TBC1D19: variants seen among roughly 807,000 people sequenced by gnomAD.
TBC1D19 encodes the protein TBC1 domain family member 19, also known as TBC1 domain family, member 19.
A neutral mutation model predicts 89.0 loss-of-function variants in TBC1D19; 60 were observed. That is an observed-to-expected ratio of 0.67 (90% CI 0.55 to 0.84). TBC1D19 has a LOEUF of 0.84. Ranked by LOEUF, TBC1D19 falls within the 40% of genes least tolerant of loss-of-function variation. The pLI is 0.00. For missense variants in TBC1D19, 500 were observed against 610.8 expected (o/e 0.82, Z 1.91); for synonymous variants, 189 against 199.7 (o/e 0.95, Z 0.45).
chr4:26,734,964 A>ATATATGTATACACATATGTATATG (rs1717897899), intron 15 of TBC1D19, among the ~76,000 whole-genome samples: 1 of 150,518 alleles, frequency 6.6e-6, no homozygotes, highest in African/African-American at 2.4e-5. Flanking sequence ...ATGTATATGT[A>ATATATGTATACACATATGTATATG]TATATGTATA....
At chr4:26,666,436 T>A (rs1314601838) in intron 9 of TBC1D19, 31 bp downstream of exon 9, 1 of 1,577,036 alleles carries the variant, frequency 6.3e-7, no homozygotes, top group Admixed American at 1.7e-5. Context: ...ATATAATTAA[T>A]GATAAATGAG....
intron 13 of TBC1D19, among the ~76,000 whole-genome samples, chr4:26,710,506 C>T (rs1716101610): frequency 6.6e-6 from 1 of 152,130 alleles, no homozygotes; most frequent in South Asian, 2.1e-4. Flanking sequence ...GTGCATGTGT[C>T]TTTATAGCAG....
the TBC1D19 span, among the ~76,000 whole-genome samples, chr4:26,816,676 G>C: frequency 1.3e-5 from 2 of 152,136 alleles, no homozygotes; most frequent in Non-Finnish European, 2.9e-5. Context: ...ACAAACCCAG[G>C]ATGAGGGGCA....
the TBC1D19 span, among the ~76,000 whole-genome samples, chr4:26,804,760 T>C: frequency 6.6e-6 from 1 of 152,184 alleles, no homozygotes; most frequent in Admixed American, 6.5e-5. Flanking sequence ...CTGTGTGCGA[T>C]AAATGGAGCT....
the TBC1D19 span, among the ~76,000 whole-genome samples, chr4:26,845,140 C>A: frequency 6.6e-6 from 1 of 152,158 alleles, no homozygotes; most frequent in South Asian, 2.1e-4. Context: ...AGATAGAGAA[C>A]AAGAACAGCC....
intron 9 of TBC1D19, among the ~76,000 whole-genome samples, chr4:26,670,195 C>CAT (rs1712169738): frequency 6.6e-6 from 1 of 150,594 alleles, no homozygotes; most frequent in Non-Finnish European, 1.5e-5. Context: ...TTACTATATA[C>CAT]ATATATATGT....
At chr4:26,623,555 T>G (rs1314957808) in intron 4 of TBC1D19, among the ~76,000 whole-genome samples, 6 of 152,208 alleles carry the variant, frequency 3.9e-5, no homozygotes, top group Non-Finnish European at 8.8e-5. Flanking sequence ...ACATCTCTTT[T>G]TGCTCCAATC....
At chr4:26,604,590 G>A (rs1740855182) in intron 1 of TBC1D19, among the ~76,000 whole-genome samples, 1 of 151,510 alleles carries the variant, frequency 6.6e-6, no homozygotes, top group Non-Finnish European at 1.5e-5. Context: ...GCTACTATGG[G>A]CCGGGCATGG....
the TBC1D19 span, among the ~76,000 whole-genome samples, chr4:26,814,282 C>T: frequency 6.6e-6 from 1 of 152,268 alleles, no homozygotes; most frequent in South Asian, 2.1e-4. Context: ...CTAATAATTC[C>T]TATTTCAGAG....
At chr4:26,671,734 A>T (rs1300487709) in intron 9 of TBC1D19, among the ~76,000 whole-genome samples, 2 of 151,800 alleles carry the variant, frequency 1.3e-5, no homozygotes, top group Non-Finnish European at 3.0e-5. Context: ...GCTGTCAATA[A>T]GTTTTGTTTT....
upstream of TBC1D19, among the ~76,000 whole-genome samples, chr4:26,580,546 G>A (rs1013929566): frequency 3.3e-5 from 5 of 152,220 alleles, no homozygotes; most frequent in Non-Finnish European, 5.9e-5. Context: ...ACATCAATAT[G>A]ACCTCGTTTG....
intron 4 of TBC1D19, among the ~76,000 whole-genome samples, chr4:26,629,133 T>G (rs897828902): frequency 6.6e-6 from 1 of 152,086 alleles, no homozygotes; most frequent in African/African-American, 2.4e-5. Flanking sequence ...GGAGAACTTT[T>G]GCTTATGCCA....
chr4:26,728,599 C>T (rs1279767901), intron 15 of TBC1D19, among the ~76,000 whole-genome samples: 2 of 152,188 alleles, frequency 1.3e-5, no homozygotes, highest in African/African-American at 4.8e-5. Context: ...TTGAGCTCTC[C>T]TTCCAGATGG....
Position 26,755,024 on chromosome 4 carries a change from A to G in TBC1D19, c.*77A>G. On this transcript the variant is annotated 3_prime_UTR_variant, in exon 21 of 21. Coordinates refer to ENST00000264866, the MANE Select transcript of TBC1D19 (RefSeq NM_018317.4). ...ATGAACTATGCAAACTCTGCATAAAACCAAAATGAAACTTTGCATATAAGC... is the reference window on the plus strand; with the variant it reads ...ATGAACTATGCAAACTCTGCATAAAGCCAAAATGAAACTTTGCATATAAGC... 1 of 1,325,846 alleles carries G rather than the reference A, an allele frequency of 7.5e-7. No individual in the cohort carries two copies. The highest frequency in any genetic ancestry group is 1.0e-6 in the Non-Finnish European group (1 of 971,752). 82.1% of individuals were successfully genotyped at this position (1,325,846 alleles called of 1,614,324 possible).
At chr4:26,708,256 T>C (rs994359053) in intron 13 of TBC1D19, among the ~76,000 whole-genome samples, 1 of 152,104 alleles carries the variant, frequency 6.6e-6, no homozygotes, top group Non-Finnish European at 1.5e-5. Context: ...TCTTGATTAA[T>C]GGCTTTTTTC....
chr4:26,772,125 C>CTTTT, the TBC1D19 span, among the ~76,000 whole-genome samples: 5 of 139,932 alleles, frequency 3.6e-5, no homozygotes, highest in African/African-American at 1.3e-4. Context: ...AGCCCTCCAA[C>CTTTT]TTTTTTTTTT....
In TBC1D19 at chr4:26,644,424, A is replaced by G. The variant is rs188086748; in HGVS notation, c.480+4237A>G. ...ACTAGGTATTGATGGAACGTATCTC[A>G]AAATAATAAGAGCTATTTATGACAA... On this transcript the variant is annotated intron_variant, in intron 7 of 20. Transcript: ENST00000264866. Among the ~76,000 whole-genome samples, 631 of 152,296 alleles carry G rather than the reference A, an allele frequency of 4.1e-3. 3 individuals carry two copies. The highest frequency in any genetic ancestry group is 6.0e-3 in the Non-Finnish European group (407 of 68,018).
chr4:26,796,558 G>A, the TBC1D19 span, among the ~76,000 whole-genome samples: 1 of 152,116 alleles, frequency 6.6e-6, no homozygotes, highest in Admixed American at 6.5e-5. Context: ...TCCTACCCAG[G>A]AGTGGTGGTT....
chr4:26,852,019 T>G, the TBC1D19 span, among the ~76,000 whole-genome samples: 1 of 152,064 alleles, frequency 6.6e-6, no homozygotes, highest in Non-Finnish European at 1.5e-5. Flanking sequence ...CTTGGGCTTT[T>G]CCTCTGAATT....
Sources: gnomAD v4.1 joint callset for allele counts (sites outside exome capture counted in the v4.1 genomes callset) on GRCh38, gnomAD v4.1.1 for gene constraint, MANE v1.5 for transcripts, NCBI Gene and HGNC (gene_info 2026-07-23, HGNC 2026-07-21) for gene names.